Variants in FRMD5 observed in about 807,000 individuals in gnomAD.
FRMD5 encodes FERM domain-containing protein 5.
In FRMD5, 20 loss-of-function variants were observed where a neutral mutation model predicts 69.0. The ratio of observed to expected loss-of-function variants is 0.29; its 90% CI spans 0.20 to 0.42. The LOEUF (loss-of-function observed/expected upper bound fraction) is 0.42. Among genes scored for constraint, FRMD5 ranks in the 10% least tolerant of loss-of-function variants. FRMD5 has a pLI of 1.00. For missense variants in FRMD5, 595 were observed against 708.6 expected, an observed-to-expected ratio of 0.84 and a Z score of 1.82; for synonymous variants, 271 against 260.1, an observed-to-expected ratio of 1.04 and a Z score of -0.40.
chr15:43,963,208 A>T (rs928566335), intron 1 of FRMD5, among the ~76,000 whole-genome samples: 3 of 152,252 alleles, frequency 2.0e-5, no homozygotes, highest in African/African-American at 7.2e-5. Context: ...ACAAATTTAC[A>T]AGAATAAAAC....
intron 11 of FRMD5, 88 bp from the exon 12 acceptor site, chr15:43,884,883 A>G: frequency 8.6e-7 from 1 of 1,164,440 alleles, no homozygotes. Flanking sequence ...GCTTTCCCTG[A>G]ATCAGGAAAT....
chr15:43,920,005 G>C (rs1420553721), intron 2 of FRMD5, among the ~76,000 whole-genome samples, 196 bp from the exon 3 acceptor site: 1 of 152,236 alleles, frequency 6.6e-6, no homozygotes, highest in Non-Finnish European at 1.5e-5. Context: ...GCTGTGAAGG[G>C]GGGAATAGTT....
intron 7 of FRMD5, among the ~76,000 whole-genome samples, chr15:43,898,769 C>T (rs547778163): frequency 5.0e-4 from 76 of 152,302 alleles, no homozygotes; most frequent in African/African-American, 1.8e-3. Context: ...CTGGGGCTCC[C>T]GCCAGGAGTT....
chr15:44,007,290 C>T lies in FRMD5; in HGVS notation c.103-82981G>A, dbSNP rs142441814. On this transcript the variant is annotated intron_variant, in intron 1 of 13. Coordinates refer to ENST00000417257, the MANE Select transcript of FRMD5 (RefSeq NM_032892.5). The stretch of plus-strand genomic sequence containing the variant: ...TAGTGAAACATAACTTTTATATGCA[C>T]TGGGAAACCAAAAAATCTGTGACTT... Among the ~76,000 whole-genome samples, 112 of 152,184 alleles carry T rather than the reference C, an allele frequency of 7.4e-4. 1 individual carries two copies. The highest frequency in any genetic ancestry group is 3.4e-3 in the Middle Eastern group (1 of 294).
At chr15:43,933,974 G>C (rs1040817546) in intron 1 of FRMD5, among the ~76,000 whole-genome samples, 4 of 152,196 alleles carry the variant, frequency 2.6e-5, no homozygotes, top group African/African-American at 9.7e-5. Context: ...TCCTATCCTG[G>C]CCTTTGGGCT....
At chr15:44,121,820 C>T (rs186138111) in intron 1 of FRMD5, among the ~76,000 whole-genome samples, 132 of 151,686 alleles carry the variant, frequency 8.7e-4, no homozygotes, top group African/African-American at 3.0e-3. Context: ...TATGGCGAAA[C>T]CCTGTCTCTA....
At chr15:44,185,252 C>T (rs557492220) in intron 1 of FRMD5, among the ~76,000 whole-genome samples, 2 of 152,276 alleles carry the variant, frequency 1.3e-5, no homozygotes, top group East Asian at 3.9e-4. Flanking sequence ...AGTTGCATTC[C>T]AGTACTGGGA....
At chr15:43,941,012 T>A (rs927395365) in intron 1 of FRMD5, among the ~76,000 whole-genome samples, 2 of 152,214 alleles carry the variant, frequency 1.3e-5, no homozygotes, top group Admixed American at 6.5e-5. Context: ...TTTAAAAAAA[T>A]GTTTGTTAGA....
intron 1 of FRMD5, among the ~76,000 whole-genome samples, chr15:44,113,170 C>G (rs993531464): frequency 1.3e-5 from 2 of 152,206 alleles, no homozygotes; most frequent in Non-Finnish European, 2.9e-5. Context: ...TTGACAAGCT[C>G]TATGCCACTT....
chr15:43,952,148 G>A (rs573643530), intron 1 of FRMD5, among the ~76,000 whole-genome samples: 4 of 151,988 alleles, frequency 2.6e-5, no homozygotes, highest in African/African-American at 4.8e-5. Context: ...TCAGCACAGC[G>A]AGCAACTTCC....
At chr15:43,900,655 T>C (rs1267361780) in intron 7 of FRMD5, among the ~76,000 whole-genome samples, 2 of 151,430 alleles carry the variant, frequency 1.3e-5, no homozygotes, top group Admixed American at 1.3e-4. Context: ...TCTCGCTCTG[T>C]CACCCAGGCT....
At chr15:44,103,819 G>A (rs1008131290) in intron 1 of FRMD5, among the ~76,000 whole-genome samples, 15 of 152,154 alleles carry the variant, frequency 9.9e-5, no homozygotes, top group Non-Finnish European at 1.5e-4. Context: ...ATATGACAGT[G>A]GTCCCATAAG....
chr15:43,973,069 C>T (rs920176760), intron 1 of FRMD5, among the ~76,000 whole-genome samples: 3 of 152,084 alleles, frequency 2.0e-5, no homozygotes, highest in East Asian at 1.9e-4. Flanking sequence ...GTCCTCCAGG[C>T]TGGAGTGCAG....
At chr15:44,089,300 C>T (rs1894334019) in intron 1 of FRMD5, among the ~76,000 whole-genome samples, 1 of 152,170 alleles carries the variant, frequency 6.6e-6, no homozygotes, top group Non-Finnish European at 1.5e-5. Context: ...ATAAACACCA[C>T]ATAAAACTAT....
At chr15:44,037,338 T>G (rs1331159649) in intron 1 of FRMD5, among the ~76,000 whole-genome samples, 3 of 152,144 alleles carry the variant, frequency 2.0e-5, no homozygotes, top group Non-Finnish European at 4.4e-5. Flanking sequence ...TATGGCTGCC[T>G]AGTATTCCAT....
intron 1 of FRMD5, among the ~76,000 whole-genome samples, chr15:44,016,038 C>A (rs1407019642): frequency 1.3e-5 from 2 of 152,192 alleles, no homozygotes; most frequent in Non-Finnish European, 2.9e-5. Context: ...TAACACCTTG[C>A]CTTCCCACCA....
chr15:44,074,465 G>C (rs1893673002), intron 1 of FRMD5, among the ~76,000 whole-genome samples: 1 of 151,450 alleles, frequency 6.6e-6, no homozygotes, highest in South Asian at 2.1e-4. Context: ...CATGATCTTT[G>C]GCAGGAGAAA....
chr15:43,933,135 C>A (rs1566844195), intron 1 of FRMD5, among the ~76,000 whole-genome samples: 1 of 152,100 alleles, frequency 6.6e-6, no homozygotes, highest in Non-Finnish European at 1.5e-5. Context: ...GGGCCCAGAG[C>A]CAGACAGATG....
intron 1 of FRMD5, among the ~76,000 whole-genome samples, chr15:44,007,126 C>T (rs1165100399): frequency 6.6e-6 from 1 of 152,184 alleles, no homozygotes; most frequent in Non-Finnish European, 1.5e-5. Context: ...GACCTTCCAC[C>T]AGCCAAAAGA....
Sources: allele counts gnomAD v4.1 joint callset (sites outside exome capture counted in the v4.1 genomes callset), GRCh38; gene constraint gnomAD v4.1.1; transcripts MANE v1.5; gene names NCBI Gene and HGNC (gene_info 2026-07-23, HGNC 2026-07-21).